Variants in ZNF648 observed in about 807,000 individuals in gnomAD.
ZNF648 encodes the protein zinc finger protein 648.
Under a neutral mutation model 0.3 loss-of-function variants are expected in ZNF648, and 1 was observed. That is an observed-to-expected ratio of 3.90 (90% CI 1.39 to 18.51). The LOEUF (loss-of-function observed/expected upper bound fraction) is 18.51, where lower values mean the gene tolerates loss of function less well. Ranked by LOEUF, ZNF648 falls within the 30% of genes most tolerant of loss-of-function variation. The pLI is 0.11. For missense variants in ZNF648, 874 were observed against 769.7 expected, an observed-to-expected ratio of 1.14 and a Z score of -1.60; for synonymous variants, 376 against 326.8, an observed-to-expected ratio of 1.15 and a Z score of -1.62.
Position 182,057,977 on chromosome 1 carries a change from C to T in ZNF648, c.34G>A (p.Glu12Lys), listed in dbSNP as rs769767912. Reference protein sequence around the residue: ...AQVDSQDRWGEASPLSSLTEE... With the variant: ...AQVDSQDRWGKASPLSSLTEE... The stretch of plus-strand genomic sequence containing the variant: ...GTCAAGCTGCTGAGAGGAGACGCCT[C>T]TCCCCACCTGTCCTGGGAGTCCACT... Residue 12 changes from glutamate to lysine, a missense_variant, in exon 2 of 2, where the codon GAG becomes AAG. Coordinates refer to ENST00000339948, the MANE Select transcript of ZNF648 (RefSeq NM_001009992.1). 3.7e-6 allele frequency: 6 copies of T among 1,612,392 alleles called. No individual in the cohort carries two copies. In the South Asian group the frequency reaches 6.6e-5, roughly 18 times the overall value.
upstream of ZNF648, among the ~76,000 whole-genome samples, chr1:182,065,813 C>G (rs184399529): frequency 6.6e-6 from 1 of 152,344 alleles, no homozygotes; most frequent in Admixed American, 6.5e-5. Flanking sequence ...AGATCTGAAT[C>G]CCAGGTCTTG....
chr1:182,058,137 A>G, intron 1 of ZNF648, 64 bp from the exon 2 acceptor site: 1 of 1,160,654 alleles, frequency 8.6e-7, no homozygotes, highest in Non-Finnish European at 1.2e-6. Flanking sequence ...TCATGAGCAG[A>G]GGGACTGAGG....
At chr1:182,065,703 A>G (rs1462548642), upstream of ZNF648, among the ~76,000 whole-genome samples, 1 of 152,176 alleles carries the variant, frequency 6.6e-6, no homozygotes, top group African/African-American at 2.4e-5. Context: ...ACATCCTCCA[A>G]GCCATCTTAA....
At chr1:182,064,451 C>G (rs544297833), upstream of ZNF648, 6 of 152,250 alleles carry the variant, frequency 3.9e-5, no homozygotes, top group African/African-American at 1.4e-4. Context: ...TCCAGAAAAG[C>G]AGGTTTCAAT....
In ZNF648 at chr1:182,056,704, G is replaced by T; in HGVS notation, c.1307C>A (p.Ser436Tyr). Residue 436 changes from serine (S) to tyrosine (Y), a missense_variant, in exon 2 of 2, where the codon TCC becomes TAC. Coordinates refer to ENST00000339948, the MANE Select transcript of ZNF648 (RefSeq NM_001009992.1). The part of the protein sequence containing the change: ...GKCFTKSSNL[S>Y]EHQTLHTGQR... ...GCCGGTGTGCAGCGTCTGGTGCTCG[G>T]ACAGATTGGAGGACTTGGTGAAGCA... 5.0e-6 allele frequency: 8 copies of T among 1,596,810 alleles called. No individual in the cohort carries two copies. The highest frequency in any genetic ancestry group is 6.8e-6 in the Non-Finnish European group (8 of 1,171,680).
chr1:182,067,939 G>A, the ZNF648 span, among the ~76,000 whole-genome samples: 1 of 152,228 alleles, frequency 6.6e-6, no homozygotes, highest in Non-Finnish European at 1.5e-5. Flanking sequence ...TTGGGACCTT[G>A]TAGAAAACTG....
In ZNF648 at chr1:182,057,323, T is replaced by A; in HGVS notation, c.688A>T (p.Ser230Cys). ...AAAVLAKARNSRKVQNQAGRR... is the reference protein window; with the variant it reads ...AAAVLAKARNCRKVQNQAGRR... ...CCCGCCTGGTTCTGTACTTTCCTGC[T>A]GTTCCGCGCTTTTGCCAGGACCGCG... is the stretch of plus-strand genomic sequence containing the variant. The change falls in exon 2 of 2, where the codon AGC (serine) becomes TGC (cysteine). Residue 230 changes from serine (S) to cysteine (C), a missense_variant. Transcript: ENST00000339948. The A allele has an allele frequency of 6.2e-7, 1 of 1,607,704 alleles. No homozygotes were observed. Among genetic ancestry groups the A allele is most frequent in the Non-Finnish European group, 8.5e-7 (1 of 1,179,530 alleles).
rs1665973618 is a variant in ZNF648 at position 182,058,222 on chromosome 1, G to T, written c.-63-149C>A. 6 of 603,172 alleles carry T rather than the reference G, an allele frequency of 9.9e-6. No homozygotes were observed. In the East Asian group the frequency reaches 1.8e-4, roughly 18 times the overall value. The allele number at this position is 603,172 out of a possible 1,614,324, so 37.4% of individuals were successfully genotyped here. A position where few individuals can be genotyped will look rare whatever the true frequency, so the allele number is the denominator to read the frequency against. On this transcript the variant is annotated intron_variant, in intron 1 of 1. Transcript: ENST00000339948. ...TGAGCCTCACTGAGGACAGAGGCCTGGCTCTGCTGAAAATTCCAGTCATCC... is the reference window on the plus strand; with the variant it reads ...TGAGCCTCACTGAGGACAGAGGCCTTGCTCTGCTGAAAATTCCAGTCATCC...
chr1:182,064,727 A>G (rs1210528626), upstream of ZNF648: 1 of 152,200 alleles, frequency 6.6e-6, no homozygotes, highest in Non-Finnish European at 1.5e-5. Flanking sequence ...TGGGATGGGG[A>G]GAGTAGGTGA....
chr1:182,057,144 G>C lies in ZNF648; in HGVS notation c.867C>G (p.Ser289=), dbSNP rs772424461. ...YACELCGKAY[S]HRGTLQQHRR... ...TGTGCTGCTGGAGTGTGCCGCGGTG[G>C]GAGTAGGCCTTCCCGCATAGCTCGC... is the stretch of plus-strand genomic sequence containing the variant. The change falls in exon 2 of 2, where the codon TCC becomes TCG. Residue 289 remains serine, a synonymous_variant. Transcript: ENST00000339948. 7 of 1,603,500 alleles carry C rather than the reference G, an allele frequency of 4.4e-6. No homozygotes were observed. Among genetic ancestry groups the C allele is most frequent in the African/African-American group, 1.3e-5 (1 of 74,894 alleles).
At position 182,057,361 on chromosome 1, in the gene ZNF648, G is replaced by T. The variant is rs759303635; in HGVS notation, c.650C>A (p.Ala217Asp). The T allele has an allele frequency of 1.2e-6, 2 of 1,611,802 alleles. No homozygotes were observed. Among genetic ancestry groups the T allele is most frequent in the Non-Finnish European group, 1.7e-6 (2 of 1,179,852 alleles). Residue 217 changes from alanine to aspartate, a missense_variant, in exon 2 of 2, where the codon GCC (alanine) becomes GAC (aspartate). Coordinates refer to ENST00000339948, the MANE Select transcript of ZNF648 (RefSeq NM_001009992.1). The stretch of plus-strand genomic sequence containing the variant: ...TGCCAGGACCGCGGCAGCCAGGCTG[G>T]CTGGGGTGGCCGACGCCTGGGCTGG... ...HTPAQASATP[A>D]SLAAAVLAKA... is the part of the protein sequence containing the mutation.
chr1:182,060,818 A>G (rs1454044706), intron 1 of ZNF648, among the ~76,000 whole-genome samples: 1 of 151,244 alleles, frequency 6.6e-6, no homozygotes, highest in Non-Finnish European at 1.5e-5. Flanking sequence ...TATGAAACAC[A>G]TGTCTTAGGT....
chr1:182,056,222 A>G lies in ZNF648; in HGVS notation c.*82T>C. On this transcript the variant is annotated 3_prime_UTR_variant, in exon 2 of 2. Coordinates refer to ENST00000339948, the MANE Select transcript of ZNF648 (RefSeq NM_001009992.1). ...ATGACCCGCGACCTGCTGGGAGGCG[A>G]GGCTGACCAGTGAGGCTGGCAATAC... 1 of 1,513,198 alleles carries G rather than the reference A, an allele frequency of 6.6e-7. No individual in the cohort carries two copies. The highest frequency in any genetic ancestry group is 8.9e-7 in the Non-Finnish European group (1 of 1,129,758). The allele number at this position is 1,513,198 out of a possible 1,614,324, so 93.7% of individuals were successfully genotyped here.
chr1:182,056,568 A>T lies in ZNF648; in HGVS notation c.1443T>A (p.Cys481Ter), dbSNP rs1191566151. The T allele has an allele frequency of 6.2e-7, 1 of 1,614,046 alleles. No individual in the cohort carries two copies. Among genetic ancestry groups the T allele is most frequent in the South Asian group, 1.1e-5 (1 of 91,046 alleles). ...TGERPFPCTQ[C>*]GQAFARSSTL... ...TCGAAGAGCGGGCAAAGGCCTGGCC[A>T]CACTGCGTGCAAGGAAAGGGCCTCT... The change falls in exon 2 of 2, where the codon TGT (cysteine) becomes TGA (stop). Residue 481 changes from cysteine (C) to a stop codon, truncating the protein, a stop_gained. Coordinates refer to ENST00000339948, the MANE Select transcript of ZNF648 (RefSeq NM_001009992.1). LOFTEE classifies it low-confidence loss of function (END_TRUNC).
At chr1:182,061,730 G>C (rs1468517810), upstream of ZNF648, 1 of 152,446 alleles carries the variant, frequency 6.6e-6, no homozygotes, top group Non-Finnish European at 1.5e-5. Context: ...CTGGAGGTGG[G>C]GCCAGTGTAA....
Position 182,057,861 on chromosome 1 carries a change from G to C in ZNF648, c.150C>G (p.Asp50Glu), listed in dbSNP as rs573044543. 94 of 1,614,150 alleles carry C rather than the reference G, an allele frequency of 5.8e-5. 2 individuals are homozygous for C. In the South Asian group the frequency reaches 9.3e-4, roughly 16 times the overall value. Residue 50 changes from aspartate (D) to glutamate (E), a missense_variant, in exon 2 of 2, where the codon GAC becomes GAG. Transcript: ENST00000339948. ...GGEAEKEGTA[D>E]PVACPRGSSP... is the part of the protein sequence containing the mutation. Reference sequence around the variant, plus strand: ...AGCTGCCCCTTGGACAGGCCACCGGGTCAGCGGTGCCCTCTTTTTCGGCCT... The same window carrying C: ...AGCTGCCCCTTGGACAGGCCACCGGCTCAGCGGTGCCCTCTTTTTCGGCCT...
intron 1 of ZNF648, among the ~76,000 whole-genome samples, chr1:182,060,471 T>C (rs1355432612): frequency 1.3e-5 from 2 of 152,188 alleles, no homozygotes; most frequent in African/African-American, 4.8e-5. Context: ...GAATCCTCAC[T>C]TTCTGCTCTG....
At chr1:182,066,734 A>T in the ZNF648 span, among the ~76,000 whole-genome samples, 1 of 152,222 alleles carries the variant, frequency 6.6e-6, no homozygotes, top group Non-Finnish European at 1.5e-5. Flanking sequence ...ATTTCATGAT[A>T]GGGTTGTAAA....
In ZNF648 at chr1:182,056,671, G is replaced by A. The variant is rs1282632806; in HGVS notation, c.1340C>T (p.Pro447Leu). 6.2e-7 allele frequency: 1 copy of A among 1,605,344 alleles called. No homozygotes were observed. ...EHQTLHTGQRPFKCADCGVAF... is the reference protein window; with the variant it reads ...EHQTLHTGQRLFKCADCGVAF... ...CACGCCGCAGTCAGCGCACTTGAAA[G>A]GCCTCTGGCCGGTGTGCAGCGTCTG... Residue 447 changes from proline (P) to leucine (L), a missense_variant, in exon 2 of 2, where the codon CCT becomes CTT. By Grantham distance (98) the Pro-to-Leu change is moderately conservative. Transcript: ENST00000339948.
Sources: gnomAD v4.1 joint callset for allele counts (sites outside exome capture counted in the v4.1 genomes callset) on GRCh38, gnomAD v4.1.1 for gene constraint, MANE v1.5 for transcripts, NCBI Gene and HGNC (gene_info 2026-07-23, HGNC 2026-07-21) for gene names.